Variants in MGARP observed in about 807,000 individuals in gnomAD.
The protein encoded by MGARP is mitochondria localized glutamic acid rich protein.
Under a neutral mutation model 11.0 loss-of-function variants are expected in MGARP, and 12 were observed. That is an observed-to-expected ratio of 1.09 (90% confidence interval 0.70 to 1.77). The LOEUF (loss-of-function observed/expected upper bound fraction) is 1.77, where lower values mean the gene tolerates loss of function less well. MGARP is among the 40% of genes most tolerant of loss of function. The pLI is 0.00. For synonymous variants in MGARP, 110 were observed against 115.4 expected, an observed-to-expected ratio of 0.95 and a Z score of 0.30; for missense variants, 283 against 297.8, an observed-to-expected ratio of 0.95 and a Z score of 0.36.
intron 2 of MGARP, among the ~76,000 whole-genome samples, chr4:139,270,723 G>T (rs914907874): frequency 3.3e-5 from 5 of 151,554 alleles, no homozygotes; most frequent in Non-Finnish European, 5.9e-5. Flanking sequence ...TGAATCATTT[G>T]GCTTTGAAAC....
chr4:139,271,706 C>T (rs1438399371), intron 2 of MGARP, among the ~76,000 whole-genome samples: 1 of 152,130 alleles, frequency 6.6e-6, no homozygotes, highest in Non-Finnish European at 1.5e-5. Flanking sequence ...AACAAGTATA[C>T]AGGTTTTGGA....
chr4:139,280,216 CAG>C lies in MGARP; in HGVS notation c.-60_-59del. ...TACCCAGGCGCAGGCTGCCCTTCCA[CAG>C]AGAGGCTGAGAGCCTGGCAGCGCCC... On this transcript the variant is annotated 5_prime_UTR_variant, in exon 1 of 4. Coordinates refer to ENST00000398955, the MANE Select transcript of MGARP (RefSeq NM_032623.4). 6.5e-7 allele frequency: 1 copy of C among 1,529,606 alleles called. No homozygotes were observed. The highest frequency in any genetic ancestry group is 8.8e-7 in the Non-Finnish European group (1 of 1,133,414). The allele number at this position is 1,529,606 out of a possible 1,614,324, so 94.8% of individuals were successfully genotyped here. A position where few individuals can be genotyped will look rare whatever the true frequency, so the allele number is the denominator to read the frequency against.
At chr4:139,270,496 C>T (rs1402870889) in intron 2 of MGARP, among the ~76,000 whole-genome samples, 3 of 150,358 alleles carry the variant, frequency 2.0e-5, no homozygotes, top group Non-Finnish European at 4.4e-5. Context: ...GTAGTCCCAA[C>T]TACTCGGGAG....
intron 3 of MGARP, 77 bp from the exon 4 acceptor site, chr4:139,267,118 C>T (rs1744711120): frequency 7.2e-7 from 1 of 1,381,374 alleles, no homozygotes; most frequent in Admixed American, 2.0e-5. Flanking sequence ...GTCGTTTAAA[C>T]ACCTAAGACA....
intron 2 of MGARP, 93 bp from the exon 3 acceptor site, chr4:139,268,858 A>G: frequency 1.1e-6 from 1 of 884,542 alleles, no homozygotes. Flanking sequence ...TGTAATCACC[A>G]TTAGAAGTTT....
intron 1 of MGARP, among the ~76,000 whole-genome samples, chr4:139,275,777 A>G (rs1249613893): frequency 6.6e-6 from 1 of 152,260 alleles, no homozygotes; most frequent in African/African-American, 2.4e-5. Context: ...TTTTTAAAAA[A>G]TGAATTCAGT....
chr4:139,266,583 G>A lies in MGARP; in HGVS notation c.*16C>T. ...ACCCTATGGCATTTGTTGCTGAAAT[G>A]TCTACCGGCTGGAGATTAGCCTTGA... On this transcript the variant is annotated 3_prime_UTR_variant, in exon 4 of 4. Transcript: ENST00000398955. 2 of 1,604,700 alleles carry A rather than the reference G, an allele frequency of 1.2e-6. No homozygotes were observed. Among genetic ancestry groups the A allele is most frequent in the Non-Finnish European group, 1.7e-6 (2 of 1,175,380 alleles).
chr4:139,280,005 G>T, intron 1 of MGARP, 72 bp downstream of exon 1: 1 of 1,540,460 alleles, frequency 6.5e-7, no homozygotes, highest in Non-Finnish European at 8.9e-7. Flanking sequence ...GGTGCCGGCC[G>T]GTTCCCTGGC....
chr4:139,275,185 T>C (rs1286063464), intron 2 of MGARP, 104 bp downstream of exon 2: 1 of 849,808 alleles, frequency 1.2e-6, no homozygotes, highest in East Asian at 2.6e-5. Flanking sequence ...TGCTATGTTG[T>C]ATATTTAATT....
At chr4:139,271,580 C>A (rs1444133527) in intron 2 of MGARP, among the ~76,000 whole-genome samples, 1 of 152,152 alleles carries the variant, frequency 6.6e-6, no homozygotes, top group East Asian at 1.9e-4. Flanking sequence ...CCCTAATAGT[C>A]GAGGATTTTG....
chr4:139,273,510 C>CTTTTTTTTTTTTTTTT (rs1000327890), intron 2 of MGARP, among the ~76,000 whole-genome samples: 2 of 123,644 alleles, frequency 1.6e-5, no homozygotes, highest in Non-Finnish European at 1.7e-5. Flanking sequence ...TACTTTTATT[C>CTTTTTTTTTTTTTTTT]TTTTTTTTTT....
At position 139,266,895 on chromosome 4, in the gene MGARP, C is replaced by A. The variant is rs78813866; in HGVS notation, c.427G>T (p.Val143Leu). The part of the protein sequence containing the change: ...IKEASACPGH[V>L]EAAPETTAVS... ...GCTGTGGTCTCCGGAGCAGCCTCCA[C>A]GTGACCTGGACAGGCAGATGCCTCT... Residue 143 changes from valine (V) to leucine (L), a missense_variant, in exon 4 of 4, where the codon GTG becomes TTG. Physicochemically the swap from Val to Leu is conservative, Grantham distance 32. Transcript: ENST00000398955. The A allele has an allele frequency of 5.0e-4, 809 of 1,614,200 alleles. 3 individuals are homozygous for A. The African/African-American group carries it at 9.0e-3, about 18-fold the overall frequency.
intron 2 of MGARP, among the ~76,000 whole-genome samples, chr4:139,274,618 G>A (rs1486873735): frequency 2.0e-5 from 3 of 151,918 alleles, no homozygotes; most frequent in African/African-American, 7.3e-5. Context: ...CAAGTAGCTG[G>A]GATTACAGGC....
chr4:139,273,970 G>C (rs1318670868), intron 2 of MGARP, among the ~76,000 whole-genome samples: 2 of 152,148 alleles, frequency 1.3e-5, no homozygotes, highest in African/African-American at 4.8e-5. Flanking sequence ...TTACCTGGAG[G>C]GAATGGACAT....
At chr4:139,271,451 G>A (rs1055898997) in intron 2 of MGARP, among the ~76,000 whole-genome samples, 4 of 152,230 alleles carry the variant, frequency 2.6e-5, no homozygotes, top group East Asian at 3.9e-4. Flanking sequence ...GCTTGAACCC[G>A]GGAGGCGGAG....
At position 139,277,278 on chromosome 4, in the gene MGARP, A is replaced by G. The variant is rs191697321; in HGVS notation, c.83-1886T>C. 4.6e-3 allele frequency among the ~76,000 whole-genome samples: 701 copies of G among 152,310 alleles called. 6 individuals are homozygous for G. Among genetic ancestry groups the G allele is most frequent in the Non-Finnish European group, 8.6e-3 (582 of 68,030 alleles). On this transcript the variant is annotated intron_variant, in intron 1 of 3. Transcript: ENST00000398955. ...AGGCATGCTTACAAACCTTCATAGTAGCAAAATCACAACGATTTCCTGTTT... is the reference window on the plus strand; with the variant it reads ...AGGCATGCTTACAAACCTTCATAGTGGCAAAATCACAACGATTTCCTGTTT...
intron 2 of MGARP, among the ~76,000 whole-genome samples, chr4:139,275,033 C>T (rs778479944): frequency 1.9e-4 from 29 of 151,864 alleles, no homozygotes; most frequent in Non-Finnish European, 2.8e-4. Flanking sequence ...AGCTGAGGTT[C>T]GAATGAAATA....
chr4:139,273,515 T>A (rs75053749), intron 2 of MGARP, among the ~76,000 whole-genome samples: 3,056 of 146,754 alleles, frequency 0.021, 87 homozygotes, highest in African/African-American at 0.071. Flanking sequence ...TTATTCTTTT[T>A]TTTTTTTTTT....
chr4:139,279,388 T>G (rs1744919871), intron 1 of MGARP, among the ~76,000 whole-genome samples: 1 of 152,112 alleles, frequency 6.6e-6, no homozygotes, highest in Non-Finnish European at 1.5e-5. Flanking sequence ...GAACCAAAGG[T>G]GTCGATATTT....
Sources: allele counts gnomAD v4.1 joint callset (sites outside exome capture counted in the v4.1 genomes callset), GRCh38; gene constraint gnomAD v4.1.1; transcripts MANE v1.5; gene names NCBI Gene and HGNC (gene_info 2026-07-23, HGNC 2026-07-21).